UEVLD: variants seen among roughly 807,000 people sequenced by gnomAD.
The protein encoded by UEVLD is UEV and lactate/malate dehyrogenase domains, also known as ubiquitin-conjugating enzyme E2 variant 3.
Under a neutral mutation model 58.6 loss-of-function variants are expected in UEVLD, and 47 were observed. The observed-to-expected ratio is 0.80, with a 90% CI of 0.63 to 1.02. The LOEUF (loss-of-function observed/expected upper bound fraction) is 1.02. UEVLD is among the 50% of genes least tolerant of loss of function. The pLI, the probability that UEVLD is intolerant of heterozygous loss-of-function variation, is 0.00. For synonymous variants in UEVLD, 197 were observed against 195.3 expected, an observed-to-expected ratio of 1.01 and a Z score of -0.07; for missense variants, 510 against 550.6, an observed-to-expected ratio of 0.93 and a Z score of 0.74.
intron 9 of UEVLD, among the ~76,000 whole-genome samples, chr11:18,538,471 G>C (rs1025198155): frequency 6.6e-6 from 1 of 151,430 alleles, no homozygotes; most frequent in Non-Finnish European, 1.5e-5. Context: ...GCACCCCCAC[G>C]CCCGGGTAAT....
chr11:18,544,564 C>T (rs988754237), intron 9 of UEVLD, 59 bp downstream of exon 9: 1 of 1,549,636 alleles, frequency 6.5e-7, no homozygotes, highest in African/African-American at 1.4e-5. Flanking sequence ...CTTGGCCTCC[C>T]AAAGTGTTGG....
At chr11:18,567,670 C>T (rs780200749) in intron 4 of UEVLD, among the ~76,000 whole-genome samples, 6 of 152,148 alleles carry the variant, frequency 3.9e-5, no homozygotes, top group Non-Finnish European at 5.9e-5. Flanking sequence ...ATAGGCCTAA[C>T]GCGGCCCTCT....
intron 5 of UEVLD, among the ~76,000 whole-genome samples, chr11:18,565,837 T>A (rs1489049487): frequency 6.6e-6 from 1 of 150,618 alleles, no homozygotes; most frequent in African/African-American, 2.4e-5. Flanking sequence ...AAAAAATAAA[T>A]AATATTTATT....
At chr11:18,576,964 C>A (rs1382118227) in intron 2 of UEVLD, among the ~76,000 whole-genome samples, 2 of 152,048 alleles carry the variant, frequency 1.3e-5, no homozygotes, top group African/African-American at 4.8e-5. Flanking sequence ...GGGTGGATCA[C>A]TTGAGGTCAG....
intron 1 of UEVLD, among the ~76,000 whole-genome samples, chr11:18,588,253 A>G (rs1853686675): frequency 6.6e-6 from 1 of 152,186 alleles, no homozygotes; most frequent in Non-Finnish European, 1.5e-5. Context: ...GGGTCTTACA[A>G]AGGATGAGCT....
chr11:18,586,552 G>A (rs565685282), intron 1 of UEVLD, among the ~76,000 whole-genome samples: 4 of 151,652 alleles, frequency 2.6e-5, no homozygotes, highest in Non-Finnish European at 5.9e-5. Context: ...ACACGGTCTC[G>A]TTCTGTCTCC....
In UEVLD at chr11:18,575,415, A is replaced by G. The variant is rs754903912; in HGVS notation, c.128-3T>C. 6.3e-7 allele frequency: 1 copy of G among 1,588,632 alleles called. No homozygotes were observed. Among genetic ancestry groups the G allele is most frequent in the South Asian group, 1.2e-5 (1 of 86,040 alleles). ...TTTCTGAGAACTATCTTTAAAAACT[A>G]GAAGAAAAAAAAAAAAGCCCCAAAA... is the stretch of plus-strand genomic sequence containing the variant. On this transcript the variant is annotated splice_polypyrimidine_tract_variant and splice_region_variant and intron_variant, in intron 2 of 11. Coordinates refer to ENST00000396197, the MANE Select transcript of UEVLD (RefSeq NM_001040697.4).
chr11:18,560,742 G>T (rs1203308564), intron 6 of UEVLD, among the ~76,000 whole-genome samples: 2 of 152,166 alleles, frequency 1.3e-5, no homozygotes, highest in Non-Finnish European at 2.9e-5. Context: ...CGGGCATGGT[G>T]GCTCAGCCCT....
rs552890995 is a variant in UEVLD at position 18,564,935 on chromosome 11, C to T, written c.569G>A (p.Gly190Asp). The change falls in exon 6 of 12, where the codon GGT becomes GAT. Residue 190 changes from glycine (G) to aspartate (D), a missense_variant. By Grantham distance (94) the Gly-to-Asp change is moderately conservative. Transcript: ENST00000396197. Reference sequence around the variant, plus strand: ...TGTGCAGGCAATACCGAGTTCTCCACCTCCAACCACAGTAATTTTATTGAC... The same window carrying T: ...TGTGCAGGCAATACCGAGTTCTCCATCTCCAACCACAGTAATTTTATTGAC... ...KTVNKITVVG[G>D]GELGIACTLA... The T allele has an allele frequency of 6.2e-7, 1 of 1,613,838 alleles. No individual in the cohort carries two copies. The highest frequency in any genetic ancestry group is 8.5e-7 in the Non-Finnish European group (1 of 1,179,884).
At position 18,532,358 on chromosome 11, in the gene UEVLD, A is replaced by G. The variant is rs746496039; in HGVS notation, c.1378T>C (p.Ser460Pro). 1 of 1,612,846 alleles carries G rather than the reference A, an allele frequency of 6.2e-7. No individual in the cohort carries two copies. Among genetic ancestry groups the G allele is most frequent in the Non-Finnish European group, 8.5e-7 (1 of 1,179,548 alleles). Residue 460 changes from serine to proline, a missense_variant, in exon 12 of 12, where the codon TCC becomes CCC. Physicochemically the swap from Ser to Pro is moderately conservative, Grantham distance 74. Coordinates refer to ENST00000396197, the MANE Select transcript of UEVLD (RefSeq NM_001040697.4). ...TVTEKLQSSA[S>P]SIHSLQQQLK... is the part of the protein sequence containing the mutation. ...TGTTGTTGGAGACTGTGGATTGAGG[A>G]TGCACTGCTTTGGAGTTTCTCAGTA...
At chr11:18,565,969 G>T (rs1852277059) in intron 5 of UEVLD, among the ~76,000 whole-genome samples, 1 of 142,600 alleles carries the variant, frequency 7.0e-6, no homozygotes, top group African/African-American at 2.6e-5. Flanking sequence ...TTCAATCTCA[G>T]CTCACTGCAA....
At chr11:18,566,568 C>A in intron 4 of UEVLD, 86 bp from the exon 5 acceptor site, 1 of 1,437,178 alleles carries the variant, frequency 7.0e-7, no homozygotes, top group Non-Finnish European at 9.4e-7. Context: ...ATTACTTGAG[C>A]CCAGGAGTTT....
At chr11:18,576,081 C>A (rs1278528221) in intron 2 of UEVLD, among the ~76,000 whole-genome samples, 3 of 152,202 alleles carry the variant, frequency 2.0e-5, no homozygotes, top group Non-Finnish European at 2.9e-5. Flanking sequence ...TTCCTTCTAA[C>A]CTTTAAGCTG....
intron 1 of UEVLD, among the ~76,000 whole-genome samples, chr11:18,585,641 T>C (rs1853510317): frequency 6.9e-6 from 1 of 144,374 alleles, no homozygotes; most frequent in Non-Finnish European, 1.5e-5. Context: ...TTATTATTAT[T>C]ATTTTTTTTT....
intron 9 of UEVLD, among the ~76,000 whole-genome samples, chr11:18,542,506 GGT>G (rs2133968444): frequency 6.6e-6 from 1 of 152,098 alleles, no homozygotes; most frequent in Non-Finnish European, 1.5e-5. Context: ...GTTTTTTAAG[GGT>G]TTATTGTATA....
At chr11:18,569,052 G>T (rs1310587995) in intron 4 of UEVLD, among the ~76,000 whole-genome samples, 1 of 151,852 alleles carries the variant, frequency 6.6e-6, no homozygotes, top group Non-Finnish European at 1.5e-5. Flanking sequence ...CCACCACCAC[G>T]CCTGGCTTAT....
chr11:18,545,120 T>C (rs1476173475), intron 8 of UEVLD, among the ~76,000 whole-genome samples: 5 of 146,624 alleles, frequency 3.4e-5, no homozygotes, highest in Non-Finnish European at 7.4e-5. Flanking sequence ...TCGCCCAGGC[T>C]GGAGTGCAGT....
rs887363021 is a variant in UEVLD at position 18,575,253 on chromosome 11, A to G, written c.193+94T>C. ...CTGTATAGGTCATATATCTGCAATA[A>G]TACTTTAAGAATGTTATGGCATAAA... is the stretch of plus-strand genomic sequence containing the variant. On this transcript the variant is annotated intron_variant, in intron 3 of 11. Transcript: ENST00000396197. 20 of 1,352,412 alleles carry G rather than the reference A, an allele frequency of 1.5e-5. 1 individual carries two copies. In the Admixed American group the frequency reaches 3.9e-4, roughly 26 times the overall value. The allele number at this position is 1,352,412 out of a possible 1,614,324, so 83.8% of individuals were successfully genotyped here. A position where few individuals can be genotyped will look rare whatever the true frequency, so the allele number is the denominator to read the frequency against.
chr11:18,542,219 T>C (rs1385802619), intron 9 of UEVLD, among the ~76,000 whole-genome samples: 2 of 152,080 alleles, frequency 1.3e-5, no homozygotes, highest in Admixed American at 6.6e-5. Context: ...CCGGGTAGAC[T>C]AGAGGGGAAG....
Sources: gnomAD v4.1 joint callset for allele counts (sites outside exome capture counted in the v4.1 genomes callset) on GRCh38, gnomAD v4.1.1 for gene constraint, MANE v1.5 for transcripts, NCBI Gene and HGNC (gene_info 2026-07-23, HGNC 2026-07-21) for gene names.